The following CHCHD3 variants were observed in gnomAD, a reference collection of about 807,000 sequenced individuals.
CHCHD3 encodes coiled-coil-helix-coiled-coil-helix domain containing 3.
Under a neutral mutation model 38.2 loss-of-function variants are expected in CHCHD3, and 20 were observed. That is an observed-to-expected ratio of 0.52 (90% CI 0.37 to 0.76). The LOEUF is 0.76. Among genes scored for constraint, CHCHD3 ranks in the 30% least tolerant of loss-of-function variants. CHCHD3 has a pLI of 0.00. For synonymous variants in CHCHD3, 82 were observed against 100.0 expected (o/e 0.82, Z 1.07); for missense variants, 245 against 279.2 (o/e 0.88, Z 0.87).
chr7:132,837,213 C>T (rs560944097), intron 6 of CHCHD3, among the ~76,000 whole-genome samples: 14 of 151,984 alleles, frequency 9.2e-5, no homozygotes, highest in African/African-American at 1.4e-4. Context: ...GGAGCCAACT[C>T]GAAGGTTCTC....
intron 5 of CHCHD3, among the ~76,000 whole-genome samples, chr7:132,853,554 G>A (rs1808272171): frequency 6.6e-6 from 1 of 152,092 alleles, no homozygotes; most frequent in Admixed American, 6.5e-5. Flanking sequence ...CCTGGGAGGC[G>A]GAGGTTGTAG....
At chr7:132,880,459 GAATTA>G (rs1363596359) in intron 5 of CHCHD3, among the ~76,000 whole-genome samples, 1 of 152,094 alleles carries the variant, frequency 6.6e-6, no homozygotes, top group African/African-American at 2.4e-5. Context: ...TCCCAGGATA[GAATTA>G]AATTATGAAT....
intron 4 of CHCHD3, among the ~76,000 whole-genome samples, chr7:132,969,392 TAC>T (rs944346497): frequency 5.3e-5 from 8 of 152,046 alleles, no homozygotes; most frequent in African/African-American, 1.9e-4. Flanking sequence ...GGGACAAAAA[TAC>T]CTAATGATCT....
At chr7:132,904,872 A>C (rs1585623880) in intron 4 of CHCHD3, among the ~76,000 whole-genome samples, 1 of 152,210 alleles carries the variant, frequency 6.6e-6, no homozygotes, top group Admixed American at 6.5e-5. Context: ...CTGGATTAAG[A>C]AAATGTGGCA....
At chr7:132,969,221 C>T (rs1811551089) in intron 4 of CHCHD3, among the ~76,000 whole-genome samples, 1 of 147,680 alleles carries the variant, frequency 6.8e-6, no homozygotes. Context: ...TAAGTTGGGA[C>T]AAAATACACA....
At chr7:132,846,259 C>T (rs1314207388) in intron 5 of CHCHD3, among the ~76,000 whole-genome samples, 2 of 152,218 alleles carry the variant, frequency 1.3e-5, no homozygotes, top group South Asian at 4.1e-4. Context: ...TCTCTTGCAA[C>T]CCTGCACAGG....
At chr7:132,866,163 A>G (rs1808620328) in intron 5 of CHCHD3, among the ~76,000 whole-genome samples, 1 of 152,186 alleles carries the variant, frequency 6.6e-6, no homozygotes, top group African/African-American at 2.4e-5. Flanking sequence ...TAACTTTGGT[A>G]GAACACTGAA....
At chr7:132,919,391 G>A (rs1431658415) in intron 4 of CHCHD3, among the ~76,000 whole-genome samples, 2 of 152,086 alleles carry the variant, frequency 1.3e-5, no homozygotes, top group Non-Finnish European at 1.5e-5. Context: ...GATTACAGGC[G>A]TGAGCCACTG....
chr7:132,987,671 C>G (rs983596483), intron 3 of CHCHD3, among the ~76,000 whole-genome samples: 3 of 152,166 alleles, frequency 2.0e-5, no homozygotes, highest in African/African-American at 7.2e-5. Context: ...TATTTTATGA[C>G]AGGGACCCAT....
Position 132,850,910 on chromosome 7 carries a change from C to A in CHCHD3, c.454-12441G>T, listed in dbSNP as rs541865468. Among the ~76,000 whole-genome samples the A allele has an allele frequency of 4.5e-4, 69 of 152,290 alleles. 1 individual carries two copies. Among genetic ancestry groups the A allele is most frequent in the Middle Eastern group, 3.4e-3 (1 of 294 alleles). On this transcript the variant is annotated intron_variant, in intron 5 of 7. Coordinates refer to ENST00000262570, the MANE Select transcript of CHCHD3 (RefSeq NM_017812.4). Reference sequence around the variant, plus strand: ...TATATTTCTCTGAAGTATCTACCTTCATATTCAGTTCTTAAGTTAGTTGTG... The same window carrying A: ...TATATTTCTCTGAAGTATCTACCTTAATATTCAGTTCTTAAGTTAGTTGTG...
intron 4 of CHCHD3, among the ~76,000 whole-genome samples, chr7:132,916,224 T>C (rs1466594025): frequency 1.3e-5 from 2 of 152,330 alleles, no homozygotes; most frequent in East Asian, 3.9e-4. Context: ...CTCTTCATCC[T>C]AATTCCTTTA....
Position 133,035,289 on chromosome 7 carries a change from TCA to T in CHCHD3, c.170-10664_170-10663del, listed in dbSNP as rs1299586735. Reference sequence around the variant, plus strand: ...TTTAGCATCAAACTGGGCCATCTTCTCACACAGTTTCAGTTCCCCCAAGACAG... The same window carrying T: ...TTTAGCATCAAACTGGGCCATCTTCTCACAGTTTCAGTTCCCCCAAGACAG... On this transcript the variant is annotated intron_variant, in intron 2 of 7. Coordinates refer to ENST00000262570, the MANE Select transcript of CHCHD3 (RefSeq NM_017812.4). The surrounding 1 kb of genome is among the most constrained non-coding windows in gnomAD (Gnocchi z 4.7). The T allele has an allele frequency of 1.2e-5, 20 of 1,612,374 alleles. No homozygotes were observed. Among genetic ancestry groups the T allele is most frequent in the East Asian group, 2.2e-5 (1 of 44,872 alleles).
chr7:133,055,462 T>G (rs903606060), intron 2 of CHCHD3, among the ~76,000 whole-genome samples: 7 of 145,488 alleles, frequency 4.8e-5, no homozygotes, highest in Non-Finnish European at 1.0e-4. Flanking sequence ...TTAATTATAA[T>G]TATGTTATGT....
chr7:132,982,340 AGTGGT>A, intron 3 of CHCHD3, among the ~76,000 whole-genome samples: 1 of 152,304 alleles, frequency 6.6e-6, no homozygotes, highest in African/African-American at 2.4e-5. Flanking sequence ...GCTAGAGTGC[AGTGGT>A]GTGATCTTGG....
intron 5 of CHCHD3, among the ~76,000 whole-genome samples, chr7:132,842,717 G>C (rs1024993228): frequency 2.0e-5 from 3 of 152,150 alleles, no homozygotes; most frequent in Non-Finnish European, 4.4e-5. Flanking sequence ...TCATGGTTAA[G>C]AGTTTATGCA....
chr7:132,881,833 A>G (rs1585600458), intron 5 of CHCHD3, among the ~76,000 whole-genome samples: 1 of 152,188 alleles, frequency 6.6e-6, no homozygotes, highest in South Asian at 2.1e-4. Flanking sequence ...TCTCACTGCC[A>G]TCACAATACA....
intron 2 of CHCHD3, among the ~76,000 whole-genome samples, chr7:133,064,382 C>T (rs1305190740): frequency 1.3e-5 from 2 of 152,174 alleles, no homozygotes; most frequent in Non-Finnish European, 2.9e-5. Context: ...AAAAAAAGTA[C>T]ACAGTTGAGA....
intron 2 of CHCHD3, among the ~76,000 whole-genome samples, chr7:133,055,269 T>C (rs1814284905): frequency 6.8e-6 from 1 of 146,944 alleles, no homozygotes; most frequent in Non-Finnish European, 1.5e-5. Flanking sequence ...TATATTATAA[T>C]TAATTATAAT....
intron 6 of CHCHD3, among the ~76,000 whole-genome samples, chr7:132,818,870 G>A (rs6960456): frequency 0.15 from 22,098 of 152,016 alleles, 1,703 homozygotes; most frequent in Middle Eastern, 0.19. Context: ...TATTGATACC[G>A]TCAAGAGAAA....
Sources: gnomAD v4.1 joint callset for allele counts (sites outside exome capture counted in the v4.1 genomes callset) on GRCh38, gnomAD v4.1.1 for gene constraint, Gnocchi (gnomAD v3.1) non-coding constraint, MANE v1.5 for transcripts, NCBI Gene and HGNC (gene_info 2026-07-23, HGNC 2026-07-21) for gene names.